CXCL13: variants seen among roughly 807,000 people sequenced by gnomAD.
CXCL13 encodes the protein C-X-C motif chemokine 13.
CXCL13 carries 7 observed loss-of-function variants against 12.2 expected under a neutral mutation model. The ratio of observed to expected loss-of-function variants is 0.57; its 90% CI spans 0.33 to 1.07. The LOEUF (loss-of-function observed/expected upper bound fraction) is 1.07, where lower values mean the gene tolerates loss of function less well. CXCL13 is among the 50% of genes least tolerant of loss of function. CXCL13 has a pLI of 0.04. For missense variants in CXCL13, 113 were observed against 127.4 expected, an observed-to-expected ratio of 0.89 and a Z score of 0.55; for synonymous variants, 47 against 42.4, an observed-to-expected ratio of 1.11 and a Z score of -0.42.
At chr4:77,520,557 A>C (rs1215472464) in intron 1 of CXCL13, among the ~76,000 whole-genome samples, 1 of 152,190 alleles carries the variant, frequency 6.6e-6, no homozygotes, top group Non-Finnish European at 1.5e-5. Context: ...ATTTTTGCAC[A>C]TTGATTTTGT....
intron 2 of CXCL13, among the ~76,000 whole-genome samples, chr4:77,608,354 C>T (rs969496530): frequency 4.6e-5 from 7 of 151,788 alleles, no homozygotes; most frequent in African/African-American, 1.7e-4. Context: ...GCAGGAGAAC[C>T]GCTTGAACCT....
chr4:77,558,455 C>A (rs1725717305), intron 1 of CXCL13, among the ~76,000 whole-genome samples: 2 of 152,156 alleles, frequency 1.3e-5, no homozygotes, highest in Non-Finnish European at 1.5e-5. Context: ...CAAATTCAAG[C>A]AATTCTCCCA....
chr4:77,560,984 C>A (rs530420907), intron 1 of CXCL13, among the ~76,000 whole-genome samples: 1 of 152,260 alleles, frequency 6.6e-6, no homozygotes, highest in South Asian at 2.1e-4. Flanking sequence ...GTCCTGGGAA[C>A]CCCAGGCAGT....
At chr4:77,536,028 C>T (rs979791389) in intron 1 of CXCL13, among the ~76,000 whole-genome samples, 1 of 152,090 alleles carries the variant, frequency 6.6e-6, no homozygotes, top group Non-Finnish European at 1.5e-5. Context: ...AGAATAAACA[C>T]CCTAACCTCA....
At chr4:77,589,649 G>A (rs759499253) in intron 1 of CXCL13, among the ~76,000 whole-genome samples, 3 of 152,122 alleles carry the variant, frequency 2.0e-5, no homozygotes, top group South Asian at 2.1e-4. Flanking sequence ...CGAATAAGGT[G>A]GGGGGACTAC....
chr4:77,604,875 A>C, upstream of CXCL13, among the ~76,000 whole-genome samples: 1 of 152,162 alleles, frequency 6.6e-6, no homozygotes. Flanking sequence ...GGTTTGATAC[A>C]TCATCCTTGT....
intron 1 of CXCL13, among the ~76,000 whole-genome samples, chr4:77,523,708 C>G (rs1374185484): frequency 2.0e-5 from 3 of 152,212 alleles, no homozygotes; most frequent in African/African-American, 7.2e-5. Context: ...AAGCCTACTT[C>G]TGTCAACTCA....
intron 1 of CXCL13, among the ~76,000 whole-genome samples, chr4:77,561,420 C>A (rs566958148): frequency 3.3e-5 from 5 of 152,318 alleles, no homozygotes; most frequent in Admixed American, 2.0e-4. Context: ...CATGGGCCAG[C>A]CACATGTTTG....
intron 1 of CXCL13, among the ~76,000 whole-genome samples, chr4:77,512,762 C>T (rs562560319): frequency 1.3e-4 from 20 of 152,196 alleles, no homozygotes; most frequent in African/African-American, 3.4e-4. Flanking sequence ...CAGAACATTA[C>T]TTTAGTGTAT....
intron 2 of CXCL13, among the ~76,000 whole-genome samples, chr4:77,610,243 G>A (rs1034112513): frequency 6.6e-6 from 1 of 151,998 alleles, no homozygotes; most frequent in Admixed American, 6.5e-5. Context: ...TCTCCCAAAT[G>A]CAGTGCAACA....
At chr4:77,556,622 T>A (rs1361892519) in intron 1 of CXCL13, among the ~76,000 whole-genome samples, 1 of 152,186 alleles carries the variant, frequency 6.6e-6, no homozygotes, top group Non-Finnish European at 1.5e-5. Context: ...GATTTATATA[T>A]CATTGTGATA....
chr4:77,575,975 ATTTC>A (rs1322052813), intron 1 of CXCL13, among the ~76,000 whole-genome samples: 1 of 151,812 alleles, frequency 6.6e-6, no homozygotes, highest in Non-Finnish European at 1.5e-5. Flanking sequence ...AGATAACCAA[ATTTC>A]TTTGTCAATT....
intron 1 of CXCL13, among the ~76,000 whole-genome samples, chr4:77,524,629 G>A (rs1025697075): frequency 1.3e-5 from 2 of 152,154 alleles, no homozygotes; most frequent in Non-Finnish European, 2.9e-5. Flanking sequence ...GTCTGTTGCA[G>A]CTTCCCTTGG....
chr4:77,604,057 C>T (rs971681687), upstream of CXCL13, among the ~76,000 whole-genome samples: 2 of 152,330 alleles, frequency 1.3e-5, no homozygotes, highest in Non-Finnish European at 2.9e-5. Flanking sequence ...TCAACTCTCT[C>T]TTAAAGAAAT....
chr4:77,536,190 G>T lies in CXCL13; in HGVS notation c.-43+24402G>T, dbSNP rs373576892. 5.3e-5 allele frequency among the ~76,000 whole-genome samples: 8 copies of T among 152,120 alleles called. 1 individual carries two copies. In the East Asian group the frequency reaches 1.2e-3, roughly 22 times the overall value. Reference sequence around the variant, plus strand: ...GAGTGTGGAGCTGGCAAAACTGGCAGATATCCAGTGTAGTTTACACTCTGC... The same window carrying T: ...GAGTGTGGAGCTGGCAAAACTGGCATATATCCAGTGTAGTTTACACTCTGC... On this transcript the variant is annotated intron_variant, in intron 1 of 4. Transcript: ENST00000286758.
intron 1 of CXCL13, among the ~76,000 whole-genome samples, chr4:77,548,666 A>T (rs1578048673): frequency 1.3e-5 from 2 of 152,204 alleles, no homozygotes; most frequent in Non-Finnish European, 2.9e-5. Flanking sequence ...ATTGGCCCCC[A>T]TTCTCTTCTG....
At chr4:77,559,577 G>T (rs1178736030) in intron 1 of CXCL13, among the ~76,000 whole-genome samples, 1 of 151,126 alleles carries the variant, frequency 6.6e-6, no homozygotes. Flanking sequence ...TTCCATTCAA[G>T]GACTAAATAT....
chr4:77,570,597 C>T (rs141878920), intron 1 of CXCL13, among the ~76,000 whole-genome samples: 5,973 of 152,282 alleles, frequency 0.039, 376 homozygotes, highest in African/African-American at 0.14. Context: ...ACTGCTGCAC[C>T]GTGGGAGCCC....
chr4:77,567,158 T>C (rs1281753755), intron 1 of CXCL13, among the ~76,000 whole-genome samples: 1 of 152,086 alleles, frequency 6.6e-6, no homozygotes, highest in East Asian at 1.9e-4. Flanking sequence ...CTCCCCACCC[T>C]TGAGAATGTA....
Sources: gnomAD v4.1 joint callset for allele counts (sites outside exome capture counted in the v4.1 genomes callset) on GRCh38, gnomAD v4.1.1 for gene constraint, MANE v1.5 for transcripts, NCBI Gene and HGNC (gene_info 2026-07-23, HGNC 2026-07-21) for gene names.